ADGRF1: variants seen among roughly 807,000 people sequenced by gnomAD.
The protein encoded by ADGRF1 is G protein-coupled receptor 110.
ADGRF1 carries 85 observed loss-of-function variants against 87.2 expected under a neutral mutation model. That is an observed-to-expected ratio of 0.97 (90% CI 0.82 to 1.17). The LOEUF (loss-of-function observed/expected upper bound fraction) is 1.17. Ranked by LOEUF, ADGRF1 falls within the 50% of genes most tolerant of loss-of-function variation. The probability of loss-of-function intolerance (pLI) is 0.00; values close to 1 mark genes in which losing one functional copy is unlikely to be tolerated. For synonymous variants in ADGRF1, 430 were observed against 408.8 expected, an observed-to-expected ratio of 1.05 and a Z score of -0.63; for missense variants, 1,169 against 1,077.2, an observed-to-expected ratio of 1.09 and a Z score of -1.19.
chr6:47,003,280 T>C (rs1240499724), intron 13 of ADGRF1, among the ~76,000 whole-genome samples: 1 of 152,158 alleles, frequency 6.6e-6, no homozygotes, highest in African/African-American at 2.4e-5. Context: ...AACTCTAGCA[T>C]AGCATCATGC....
At chr6:47,005,760 G>A (rs892864425) in intron 13 of ADGRF1, 57 bp downstream of exon 13, 1 of 1,295,456 alleles carries the variant, frequency 7.7e-7, no homozygotes. Context: ...TGTATAAAGA[G>A]AAGAATGCAA....
At position 47,009,321 on chromosome 6, in the gene ADGRF1, A is replaced by G. The variant is rs775362751; in HGVS notation, c.2114T>C (p.Leu705Pro). The G allele has an allele frequency of 9.3e-6, 15 of 1,614,098 alleles. No homozygotes were observed. The East Asian group carries it at 3.3e-4, about 36-fold the overall frequency. The change falls in exon 11 of 15, where the codon CTG (leucine) becomes CCG (proline). Residue 705 changes from leucine to proline, a missense_variant. Coordinates refer to ENST00000371253, the MANE Select transcript of ADGRF1 (RefSeq NM_153840.4). ...QHLMMAVGFC[L>P]GYGCPLIISV... ...TATAATGAGAGGGCACCCATAACCC[A>G]GGCAAAATCCAACAGCCATCATCAA... is the stretch of plus-strand genomic sequence containing the variant.
At chr6:47,008,856 A>G (rs1275284797) in intron 11 of ADGRF1, 89 bp downstream of exon 11, 2 of 1,111,110 alleles carry the variant, frequency 1.8e-6, no homozygotes, top group African/African-American at 3.1e-5. Flanking sequence ...CAGGGAGATG[A>G]GATAATCTCC....
Position 47,012,186 on chromosome 6 carries a change from T to C in ADGRF1, c.937A>G (p.Met313Val), listed in dbSNP as rs1156575768. ...LLEELNKNFS[M>V]IVGNATEAAV... Reference sequence around the variant, plus strand: ...GCCTCAGTGGCATTGCCTACAATCATACTGAAATTCTAGAAGCGAAAATGG... The same window carrying C: ...GCCTCAGTGGCATTGCCTACAATCACACTGAAATTCTAGAAGCGAAAATGG... Residue 313 changes from methionine (M) to valine (V), a missense_variant, in exon 10 of 15, where the codon ATG (methionine) becomes GTG (valine). Physicochemically the swap from Met to Val is conservative, Grantham distance 21. Coordinates refer to ENST00000371253, the MANE Select transcript of ADGRF1 (RefSeq NM_153840.4). The C allele has an allele frequency of 3.1e-6, 5 of 1,606,250 alleles. No individual in the cohort carries two copies. The highest frequency in any genetic ancestry group is 1.3e-5 in the African/African-American group (1 of 74,840).
Position 47,009,158 on chromosome 6 carries a change from G to T in ADGRF1, c.2277C>A (p.Phe759Leu). 6.2e-7 allele frequency: 1 copy of T among 1,614,146 alleles called. No individual in the cohort carries two copies. Among genetic ancestry groups the T allele is most frequent in the Non-Finnish European group, 8.5e-7 (1 of 1,180,022 alleles). ...VPALAIVAVN[F>L]VVVLLVLTKL... Reference sequence around the variant, plus strand: ...TTGTGAGAACTAGCAGCACCACAACGAAGTTCACAGCCACAATAGCCAGTG... The same window carrying T: ...TTGTGAGAACTAGCAGCACCACAACTAAGTTCACAGCCACAATAGCCAGTG... The change falls in exon 11 of 15, where the codon TTC (phenylalanine) becomes TTA (leucine). Residue 759 changes from phenylalanine to leucine, a missense_variant. By Grantham distance (22) the Phe-to-Leu change is conservative (BLOSUM62 0). Coordinates refer to ENST00000371253, the MANE Select transcript of ADGRF1 (RefSeq NM_153840.4).
chr6:47,001,637 C>G (rs1582132105), intron 13 of ADGRF1, 70 bp from the exon 14 acceptor site: 1 of 1,180,432 alleles, frequency 8.5e-7, no homozygotes, highest in Admixed American at 1.8e-5. Flanking sequence ...CATTTCCTGA[C>G]TTCCTGATGT....
rs751333342 is a variant in ADGRF1 at position 47,009,062 on chromosome 6, C to T, written c.2373G>A (p.Lys791=). 6.2e-7 allele frequency: 1 copy of T among 1,614,124 alleles called. No homozygotes were observed. The highest frequency in any genetic ancestry group is 2.2e-5 in the East Asian group (1 of 44,864). ...DDKATIIRVG[K]SLLILTPLLG... ...GCAGAGGGGTCAGAATGAGGAGGCT[C>T]TTCCCCACGCGGATGATGGTGGCCT... Residue 791 remains lysine, a synonymous_variant, in exon 11 of 15, where the codon AAG becomes AAA. Transcript: ENST00000371253.
chr6:47,040,185 C>T (rs1048060556), intron 1 of ADGRF1, among the ~76,000 whole-genome samples: 2 of 152,126 alleles, frequency 1.3e-5, no homozygotes, highest in Non-Finnish European at 2.9e-5. Flanking sequence ...AACCAGGTGG[C>T]TGAGCGTGGT....
chr6:47,033,390 T>G (rs192590825), intron 1 of ADGRF1, among the ~76,000 whole-genome samples: 21 of 152,382 alleles, frequency 1.4e-4, no homozygotes, highest in Admixed American at 1.1e-3. Context: ...ATCATTTATT[T>G]ATGCCAACAG....
At chr6:47,006,650 A>G (rs763360125) in intron 12 of ADGRF1, among the ~76,000 whole-genome samples, 14 of 152,090 alleles carry the variant, frequency 9.2e-5, no homozygotes, top group Non-Finnish European at 1.9e-4. Flanking sequence ...ACTGCACCCA[A>G]TTTGTAGTCT....
At position 47,019,633 on chromosome 6, in the gene ADGRF1, G is replaced by A. The variant is rs555319531; in HGVS notation, c.611+1098C>T. On this transcript the variant is annotated intron_variant, in intron 7 of 14. Coordinates refer to ENST00000371253, the MANE Select transcript of ADGRF1 (RefSeq NM_153840.4). ...AAGGAGGTGGAGGTTGCAGTGAGCC[G>A]AGATCGTGCCACTGCACTCCAGCCT... 9.7e-4 allele frequency: 432 copies of A among 446,200 alleles called. 1 individual carries two copies. The highest frequency in any genetic ancestry group is 7.6e-3 in the African/African-American group (348 of 45,980). The allele number at this position is 446,200 out of a possible 1,614,324, so 27.6% of individuals were successfully genotyped here. A position where few individuals can be genotyped will look rare whatever the true frequency, so the allele number is the denominator to read the frequency against.
intron 9 of ADGRF1, chr6:47,013,186 C>T: frequency 1.0e-6 from 1 of 985,504 alleles, no homozygotes. Flanking sequence ...TAAGTCCACT[C>T]AGGCGCCCAA....
At chr6:47,021,663 T>C (rs1780055565) in intron 6 of ADGRF1, among the ~76,000 whole-genome samples, 2 of 152,064 alleles carry the variant, frequency 1.3e-5, no homozygotes, top group Admixed American at 1.3e-4. Context: ...GCCCGGTCCA[T>C]AAAAATTTTT....
Position 47,007,291 on chromosome 6 carries a change from A to G in ADGRF1, c.2494T>C (p.Phe832Leu). 1 of 1,528,158 alleles carries G rather than the reference A, an allele frequency of 6.5e-7. No individual in the cohort carries two copies. Among genetic ancestry groups the G allele is most frequent in the Non-Finnish European group, 9.1e-7 (1 of 1,104,246 alleles). The allele number at this position is 1,528,158 out of a possible 1,614,324, so 94.7% of individuals were successfully genotyped here. A position where few individuals can be genotyped will look rare whatever the true frequency, so the allele number is the denominator to read the frequency against. ...AGTATTCCAAAGCATAAGATAAAAA[A>G]TCCCTTTAAAAAGAAAGGAATAAAT... is the stretch of plus-strand genomic sequence containing the variant. ...IFALLNAFQG[F>L]FILCFGILLD... The change falls in exon 12 of 15, where the codon TTT becomes CTT. Residue 832 changes from phenylalanine to leucine, a missense_variant. Coordinates refer to ENST00000371253, the MANE Select transcript of ADGRF1 (RefSeq NM_153840.4).
chr6:47,004,867 T>C (rs953284347), intron 13 of ADGRF1, among the ~76,000 whole-genome samples: 1 of 152,134 alleles, frequency 6.6e-6, no homozygotes. Flanking sequence ...GGTTACGGAG[T>C]CAGAAATACA....
intron 7 of ADGRF1, chr6:47,019,536 T>A (rs941103246): frequency 1.0e-5 from 3 of 300,786 alleles, no homozygotes; most frequent in Non-Finnish European, 1.5e-5. Flanking sequence ...ACAAAAAAAT[T>A]AGCCAGGCGT....
intron 2 of ADGRF1, among the ~76,000 whole-genome samples, chr6:47,028,612 T>C (rs1780317524): frequency 6.6e-6 from 1 of 152,072 alleles, no homozygotes; most frequent in African/African-American, 2.4e-5. Context: ...AAAACCATGA[T>C]CCTAGATGAA....
intron 1 of ADGRF1, among the ~76,000 whole-genome samples, chr6:47,031,905 T>A (rs1267009010): frequency 6.6e-6 from 1 of 151,902 alleles, no homozygotes; most frequent in Non-Finnish European, 1.5e-5. Context: ...GAGACAAGGT[T>A]TCACTATATT....
rs115615818 is a variant in ADGRF1, at chr6:47,026,207, C to T, written c.128-204G>A. The stretch of plus-strand genomic sequence containing the variant: ...ATGGTTCCCACACACGCCAAATATA[C>T]GTCTGTCCTCTCACTTCTGCCAGGC... On this transcript the variant is annotated intron_variant, in intron 3 of 14. Transcript: ENST00000371253. 5.8e-3 allele frequency among the ~76,000 whole-genome samples: 878 copies of T among 152,220 alleles called. 8 individuals carry two copies. The highest frequency in any genetic ancestry group is 0.02 in the African/African-American group (837 of 41,536).
Sources: allele counts gnomAD v4.1 joint callset (sites outside exome capture counted in the v4.1 genomes callset), GRCh38; gene constraint gnomAD v4.1.1; transcripts MANE v1.5; gene names NCBI Gene and HGNC (gene_info 2026-07-23, HGNC 2026-07-21).